The following ERC2 variants were observed in gnomAD, a reference collection of about 807,000 sequenced individuals.
The protein encoded by ERC2 is ELKS/RAB6-interacting/CAST family member 2.
A neutral mutation model predicts 114.8 loss-of-function variants in ERC2; 42 were observed. That is an observed-to-expected ratio of 0.37 (90% confidence interval 0.29 to 0.47). ERC2 has a LOEUF of 0.47. Ranked by LOEUF, ERC2 falls within the 20% of genes least tolerant of loss-of-function variation. The pLI is 0.99. For missense variants in ERC2, 939 were observed against 1,150.7 expected, an observed-to-expected ratio of 0.82 and a Z score of 2.66; for synonymous variants, 454 against 425.5, an observed-to-expected ratio of 1.07 and a Z score of -0.82.
At chr3:56,232,134 CTT>C (rs1201613428) in intron 3 of ERC2, among the ~76,000 whole-genome samples, 23 of 128,088 alleles carry the variant, frequency 1.8e-4, no homozygotes, top group Non-Finnish European at 2.0e-4. Context: ...CCACTCCTGG[CTT>C]TTTTTTTTTT....
At chr3:56,099,977 A>C (rs1336307444) in intron 6 of ERC2, among the ~76,000 whole-genome samples, 2 of 152,024 alleles carry the variant, frequency 1.3e-5, no homozygotes, top group African/African-American at 4.8e-5. Flanking sequence ...CTCTACGAGC[A>C]CTCTTATTGG....
rs566704401 is a variant in ERC2, at chr3:55,778,896, G to GT, written c.2565-43979dup. Among the ~76,000 whole-genome samples, 430 of 152,134 alleles carry GT rather than the reference G, an allele frequency of 2.8e-3. 2 individuals carry two copies. Among genetic ancestry groups the GT allele is most frequent in the African/African-American group, 9.9e-3 (410 of 41,496 alleles). On this transcript the variant is annotated intron_variant, in intron 14 of 17. Transcript: ENST00000288221. ...AAGGAGAAAAAGGTGGAGACAGAAT[G>GT]TAAAGAAATAACTATAAAATGACAA...
At chr3:55,717,233 A>G (rs923350103) in intron 15 of ERC2, among the ~76,000 whole-genome samples, 1 of 152,182 alleles carries the variant, frequency 6.6e-6, no homozygotes. Flanking sequence ...TAAAATAATC[A>G]TCTGTATCAT....
At chr3:55,761,749 G>A (rs1255072172) in intron 14 of ERC2, among the ~76,000 whole-genome samples, 7 of 151,532 alleles carry the variant, frequency 4.6e-5, no homozygotes, top group Non-Finnish European at 7.4e-5. Context: ...TGTGGCGGGC[G>A]CCTGTAGTCC....
chr3:56,103,181 T>A (rs1029462972), intron 6 of ERC2, among the ~76,000 whole-genome samples: 2 of 152,028 alleles, frequency 1.3e-5, no homozygotes, highest in South Asian at 2.1e-4. Context: ...TGAGATGAGA[T>A]GATCTCAAAT....
chr3:55,697,161 C>T (rs2062974788), intron 16 of ERC2, among the ~76,000 whole-genome samples: 1 of 152,310 alleles, frequency 6.6e-6, no homozygotes, highest in South Asian at 2.1e-4. Flanking sequence ...GTCCATCATG[C>T]TCTTCCCCAA....
chr3:55,823,272 C>T (rs1273665299), intron 14 of ERC2, among the ~76,000 whole-genome samples: 1 of 152,200 alleles, frequency 6.6e-6, no homozygotes, highest in East Asian at 1.9e-4. Flanking sequence ...TTTAAATTCC[C>T]ATCATTCAAG....
At chr3:56,298,723 C>T (rs2055626094) in intron 2 of ERC2, among the ~76,000 whole-genome samples, 1 of 151,796 alleles carries the variant, frequency 6.6e-6, no homozygotes, top group Non-Finnish European at 1.5e-5. Flanking sequence ...TGGGGGGACT[C>T]TAAAGGGTAT....
At chr3:56,104,984 G>C (rs1368262186) in intron 6 of ERC2, among the ~76,000 whole-genome samples, 1 of 149,006 alleles carries the variant, frequency 6.7e-6, no homozygotes, top group African/African-American at 2.5e-5. Context: ...ATCAGTGTAA[G>C]TCTCCACTGA....
chr3:55,806,135 C>T (rs531141381), intron 14 of ERC2, among the ~76,000 whole-genome samples: 47 of 151,918 alleles, frequency 3.1e-4, no homozygotes, highest in Non-Finnish European at 6.3e-4. Context: ...AGGAGTTCGA[C>T]ACCAGCCTGA....
chr3:55,873,220 G>A (rs1196540490), intron 14 of ERC2, among the ~76,000 whole-genome samples: 1 of 152,082 alleles, frequency 6.6e-6, no homozygotes, highest in Non-Finnish European at 1.5e-5. Context: ...AAAGGAAAAA[G>A]AGGGTCATGC....
At position 56,361,340 on chromosome 3, in the gene ERC2, A is replaced by T. The variant is rs142623496; in HGVS notation, c.658-64905T>A. Among the ~76,000 whole-genome samples, 258 of 152,318 alleles carry T rather than the reference A, an allele frequency of 1.7e-3. 1 individual carries two copies. Among genetic ancestry groups the T allele is most frequent in the African/African-American group, 5.9e-3 (244 of 41,576 alleles). On this transcript the variant is annotated intron_variant, in intron 2 of 17. Coordinates refer to ENST00000288221, the MANE Select transcript of ERC2 (RefSeq NM_015576.3). ...ATGAAGAAAAGATGATGTCTGTTCA[A>T]GAGTTCCAATGAGGCAAAACAGCCT...
chr3:55,881,849 G>C (rs967237316), intron 14 of ERC2, among the ~76,000 whole-genome samples: 1 of 152,066 alleles, frequency 6.6e-6, no homozygotes, highest in African/African-American at 2.4e-5. Context: ...AAGAAGTTTT[G>C]GATATATTTT....
intron 3 of ERC2, among the ~76,000 whole-genome samples, chr3:56,227,254 T>C (rs529104323): frequency 1.2e-4 from 18 of 152,236 alleles, no homozygotes; most frequent in Non-Finnish European, 2.4e-4. Context: ...TCAAATGTAA[T>C]TGGTGAACAG....
chr3:56,012,331 A>G (rs1483054815), intron 8 of ERC2, among the ~76,000 whole-genome samples: 1 of 152,142 alleles, frequency 6.6e-6, no homozygotes, highest in Non-Finnish European at 1.5e-5. Flanking sequence ...TCGTCTCACT[A>G]TTTGGAAACC....
At chr3:56,236,512 C>T (rs1366696315) in intron 3 of ERC2, among the ~76,000 whole-genome samples, 1 of 152,140 alleles carries the variant, frequency 6.6e-6, no homozygotes, top group Non-Finnish European at 1.5e-5. Flanking sequence ...AGGAGGGCAT[C>T]CCATCCTTGG....
At chr3:56,093,748 CTAAT>C (rs1242737661) in intron 6 of ERC2, among the ~76,000 whole-genome samples, 2 of 152,010 alleles carry the variant, frequency 1.3e-5, no homozygotes, top group Non-Finnish European at 2.9e-5. Context: ...ATGTTTGTCA[CTAAT>C]TAAGTAAAGT....
chr3:55,720,677 AGGG>A (rs1424438544), intron 15 of ERC2, among the ~76,000 whole-genome samples: 1 of 152,114 alleles, frequency 6.6e-6, no homozygotes, highest in African/African-American at 2.4e-5. Flanking sequence ...AAAGCAGAAG[AGGG>A]GACCCTATGT....
At chr3:56,415,514 A>G (rs972429468) in intron 2 of ERC2, among the ~76,000 whole-genome samples, 4 of 152,236 alleles carry the variant, frequency 2.6e-5, no homozygotes, top group South Asian at 4.1e-4. Flanking sequence ...GGCATCTGCC[A>G]TTTAAGAAAG....
Sources: allele counts gnomAD v4.1 joint callset (sites outside exome capture counted in the v4.1 genomes callset), GRCh38; gene constraint gnomAD v4.1.1; transcripts MANE v1.5; gene names NCBI Gene and HGNC (gene_info 2026-07-23, HGNC 2026-07-21).